Variants in UGT1A10 observed in about 807,000 individuals in gnomAD.
UGT1A10 encodes UDP-glucuronosyltransferase 1A10.
A neutral mutation model predicts 45.8 loss-of-function variants in UGT1A10; 49 were observed. The ratio of observed to expected loss-of-function variants is 1.07; its 90% CI spans 0.85 to 1.36. The LOEUF is 1.36. UGT1A10 is among the 40% of genes most tolerant of loss of function. The probability of loss-of-function intolerance (pLI) is 0.00; values close to 1 mark genes in which losing one functional copy is unlikely to be tolerated. For synonymous variants in UGT1A10, 284 were observed against 249.7 expected, an observed-to-expected ratio of 1.14 and a Z score of -1.29; for missense variants, 745 against 668.6, an observed-to-expected ratio of 1.11 and a Z score of -1.26.
chr2:233,688,142 T>C (rs2074879720), intron 1 of UGT1A10, among the ~76,000 whole-genome samples: 1 of 152,238 alleles, frequency 6.6e-6, no homozygotes, highest in African/African-American at 2.4e-5. Context: ...TCTGTCTGTA[T>C]GGATTTGCCT....
intron 1 of UGT1A10, among the ~76,000 whole-genome samples, chr2:233,745,915 C>T (rs1264125490): frequency 5.3e-5 from 8 of 151,156 alleles, no homozygotes; most frequent in Admixed American, 5.3e-4. Flanking sequence ...GCAGCTGAGG[C>T]AGTGATTCAG....
chr2:233,716,180 T>C (rs1445061863), intron 1 of UGT1A10, among the ~76,000 whole-genome samples: 1 of 152,174 alleles, frequency 6.6e-6, no homozygotes, highest in Non-Finnish European at 1.5e-5. Flanking sequence ...CATCTTCAAG[T>C]CTCTAATTCT....
In UGT1A10 at chr2:233,769,615, T is replaced by C. The variant is rs1284239952; in HGVS notation, c.1295+1176T>C. 10 of 1,612,642 alleles carry C rather than the reference T, an allele frequency of 6.2e-6. No homozygotes were observed. The highest frequency in any genetic ancestry group is 4.5e-5 in the East Asian group (2 of 44,898). On this transcript the variant is annotated intron_variant, in intron 4 of 4. Coordinates refer to ENST00000344644, the MANE Select transcript of UGT1A10 (RefSeq NM_019075.4). This position sits in a 1 kb window ranked among gnomAD's most constrained non-coding sequence, Gnocchi z 4.4. The stretch of plus-strand genomic sequence containing the variant: ...GACGGAACACGGGGACACACCAGCT[T>C]GAGCAAGGGACAACAGGGGAGGACT...
intron 1 of UGT1A10, chr2:233,692,833 A>T: frequency 6.9e-7 from 1 of 1,445,682 alleles, no homozygotes; most frequent in East Asian, 2.5e-5. Context: ...TGTGATTAAA[A>T]TGGTTAAATA....
At chr2:233,719,169 A>T (rs1251118091) in intron 1 of UGT1A10, 3 of 1,614,252 alleles carry the variant, frequency 1.9e-6, no homozygotes, top group East Asian at 2.2e-5. Flanking sequence ...TATGGCAATT[A>T]TGAACAATGT....
chr2:233,728,968 T>C (rs1359858521), intron 1 of UGT1A10: 14 of 1,468,408 alleles, frequency 9.5e-6, no homozygotes, highest in Non-Finnish European at 1.3e-5. Context: ...AAAACAGTGA[T>C]AGATTAATGG....
intron 1 of UGT1A10, among the ~76,000 whole-genome samples, chr2:233,665,472 A>C (rs999905514): frequency 6.6e-5 from 10 of 152,260 alleles, no homozygotes; most frequent in African/African-American, 2.4e-4. Flanking sequence ...GTGGCAAAGT[A>C]GTGCCTTGTA....
rs141814082 is a variant in UGT1A10, at chr2:233,729,618, C to T, written c.856-37416C>T. ...TCTGCGCGGCAGTGCTGGCTAAGTACCTGTCGATTCCTACTGTGTTTTTTT... is the reference window on the plus strand; with the variant it reads ...TCTGCGCGGCAGTGCTGGCTAAGTATCTGTCGATTCCTACTGTGTTTTTTT... On this transcript the variant is annotated intron_variant, in intron 1 of 4. Transcript: ENST00000344644. The T allele has an allele frequency of 3.1e-6, 5 of 1,613,838 alleles. No homozygotes were observed. The South Asian group carries it at 4.4e-5, about 14-fold the overall frequency.
chr2:233,724,777 C>T (rs924774520), intron 1 of UGT1A10, among the ~76,000 whole-genome samples: 6 of 142,286 alleles, frequency 4.2e-5, no homozygotes, highest in African/African-American at 8.1e-5. Flanking sequence ...CAGAGACACT[C>T]CTCACTTCCC....
chr2:233,732,384 C>T (rs1031988593), intron 1 of UGT1A10, among the ~76,000 whole-genome samples: 4 of 152,258 alleles, frequency 2.6e-5, no homozygotes, highest in Middle Eastern at 3.4e-3. Flanking sequence ...GTCTTCTAGG[C>T]CATGCCTATG....
At chr2:233,700,152 G>T (rs1277550214) in intron 1 of UGT1A10, among the ~76,000 whole-genome samples, 1 of 152,160 alleles carries the variant, frequency 6.6e-6, no homozygotes, top group African/African-American at 2.4e-5. Context: ...CCCTATAGGG[G>T]TCTTTACAAG....
At chr2:233,755,292 G>A (rs548797616) in intron 1 of UGT1A10, 11 of 646,792 alleles carry the variant, frequency 1.7e-5, no homozygotes, top group Non-Finnish European at 2.6e-5. Context: ...AAGAGCCTGC[G>A]GGGCACTGGC....
At chr2:233,754,955 G>T in intron 1 of UGT1A10, 1 of 1,314,366 alleles carries the variant, frequency 7.6e-7, no homozygotes, top group Non-Finnish European at 1.0e-6. Context: ...GGTCCCGGCC[G>T]CCAAAGAACT....
At chr2:233,688,136 T>A (rs2074879208) in intron 1 of UGT1A10, among the ~76,000 whole-genome samples, 1 of 152,188 alleles carries the variant, frequency 6.6e-6, no homozygotes, top group Admixed American at 6.5e-5. Flanking sequence ...TTACTTTCTG[T>A]CTGTATGGAT....
chr2:233,671,933 T>C (rs773426993), intron 1 of UGT1A10: 80 of 1,604,288 alleles, frequency 5.0e-5, no homozygotes, highest in Non-Finnish European at 6.1e-5. Context: ...TGCAGTTCTC[T>C]GATGGCTTGC....
intron 1 of UGT1A10, chr2:233,760,621 A>G: frequency 1.9e-6 from 3 of 1,614,194 alleles, no homozygotes; most frequent in Non-Finnish European, 2.5e-6. Context: ...TGTGATCAAA[A>G]CATACAAGAA....
Position 233,636,889 on chromosome 2 carries a change from C to T in UGT1A10, c.367C>T (p.His123Tyr). 1 of 1,613,986 alleles carries T rather than the reference C, an allele frequency of 6.2e-7. No individual in the cohort carries two copies. Among genetic ancestry groups the T allele is most frequent in the Non-Finnish European group, 8.5e-7 (1 of 1,179,982 alleles). Residue 123 changes from histidine (H) to tyrosine (Y), a missense_variant, in exon 1 of 5, where the codon CAT becomes TAT. By Grantham distance (83) the His-to-Tyr change is moderately conservative (BLOSUM62 2). Transcript: ENST00000344644. ...SSGFLDLFFS[H>Y]CRSLFNDRKL... ...TGGTTTTCTTGACTTATTTTTTTCGCATTGCAGGAGTTTGTTTAATGACCG... is the reference window on the plus strand; with the variant it reads ...TGGTTTTCTTGACTTATTTTTTTCGTATTGCAGGAGTTTGTTTAATGACCG...
At chr2:233,685,806 T>C (rs1031826413) in intron 1 of UGT1A10, among the ~76,000 whole-genome samples, 3 of 152,228 alleles carry the variant, frequency 2.0e-5, no homozygotes, top group Non-Finnish European at 4.4e-5. Flanking sequence ...TGTTGTCTCA[T>C]CACGAAATAC....
At chr2:233,720,871 A>AT (rs60621337) in intron 1 of UGT1A10, among the ~76,000 whole-genome samples, 4,423 of 132,758 alleles carry the variant, frequency 0.033, 90 homozygotes, top group Middle Eastern at 0.07. Context: ...GCTCCTGGCA[A>AT]TTTTTTTTTT....
Sources: allele counts gnomAD v4.1 joint callset (sites outside exome capture counted in the v4.1 genomes callset), GRCh38; gene constraint gnomAD v4.1.1; non-coding constraint Gnocchi (gnomAD v3.1); transcripts MANE v1.5; gene names NCBI Gene and HGNC (gene_info 2026-07-23, HGNC 2026-07-21).